The following CCNQ variants were observed in gnomAD, a reference collection of about 807,000 sequenced individuals.
The protein encoded by CCNQ is cyclin Q, also known as cyclin-Q.
A neutral mutation model predicts 17.7 loss-of-function variants in CCNQ; 3 were observed. That is an observed-to-expected ratio of 0.17 (90% CI 0.08 to 0.44). The LOEUF is 0.44. CCNQ is among the 20% of genes least tolerant of loss of function. The pLI is 0.99. For missense variants in CCNQ, 146 were observed against 222.6 expected (o/e 0.66, Z 2.19); for synonymous variants, 73 against 96.0 (o/e 0.76, Z 1.40).
At chrX:153,588,547 G>A (rs1435902208) in intron 4 of CCNQ, 93 bp from the exon 5 acceptor site, 1 of 669,379 alleles carries the variant, frequency 1.5e-6, no homozygotes, top group African/African-American at 2.1e-5. Context: ...TTCATGGGCA[G>A]GGGAGGGGCA....
At chrX:153,598,023 C>A (rs781787137) in intron 1 of CCNQ, among the ~76,000 whole-genome samples, 1 of 111,349 alleles carries the variant, frequency 9.0e-6, no homozygotes, top group African/African-American at 3.3e-5. Flanking sequence ...TCAGACTCTC[C>A]GCCCACCTTG....
At chrX:153,591,107 G>A (rs980279954) in intron 4 of CCNQ, among the ~76,000 whole-genome samples, 9 of 111,644 alleles carry the variant, frequency 8.1e-5, no homozygotes, top group African/African-American at 2.9e-4. Context: ...GGAAGAAAGG[G>A]TTTCAAAAGC....
rs369891998 is a variant in CCNQ, at chrX:153,595,990, C to G, written c.296+14G>C. 6 of 1,211,899 alleles carry G rather than the reference C, an allele frequency of 5.0e-6. No individual in the cohort carries two copies. Among genetic ancestry groups the G allele is most frequent in the Non-Finnish European group, 5.6e-6 (5 of 895,357 alleles). On this transcript the variant is annotated intron_variant, in intron 2 of 4. Coordinates refer to ENST00000576892, the MANE Select transcript of CCNQ (RefSeq NM_152274.5). Reference sequence around the variant, plus strand: ...CACCGGGTGGAGATCAGGAGCCCAGCCAAATGCCATTACCTGTTGGACACA... The same window carrying G: ...CACCGGGTGGAGATCAGGAGCCCAGGCAAATGCCATTACCTGTTGGACACA...
rs1253567855 is a variant in CCNQ at position 153,594,440 on chromosome X, CCTT to C, written c.429+104_429+106del. The C allele has an allele frequency of 4.8e-6, 5 of 1,041,110 alleles. No homozygotes were observed. In the African/African-American group the frequency reaches 7.4e-5, roughly 15 times the overall value. 85.8% of individuals were successfully genotyped at this position (1,041,110 alleles called of 1,213,427 possible). A position where few individuals can be genotyped will look rare whatever the true frequency, so the allele number is the denominator to read the frequency against. ...CAGTTCCCAGCCGCAGCCCTGCTCT[CCTT>C]CTGTGCTGTGCTCTCGAGTATGAGA... is the stretch of plus-strand genomic sequence containing the variant. On this transcript the variant is annotated intron_variant, in intron 3 of 4. Transcript: ENST00000576892.
At position 153,588,465 on chromosome X, in the gene CCNQ, G is replaced by A. The variant is rs782667260; in HGVS notation, c.658-11C>T. ...GTCGTCATTAAACACCTAGAAAGAA[G>A]AAGGAAAACAGGTTCCAGTTAGACT... On this transcript the variant is annotated splice_polypyrimidine_tract_variant and intron_variant, in intron 4 of 4. Transcript: ENST00000576892. 1 of 1,158,005 alleles carries A rather than the reference G, an allele frequency of 8.6e-7. No individual in the cohort carries two copies. Among genetic ancestry groups the A allele is most frequent in the East Asian group, 3.0e-5 (1 of 33,663 alleles).
intron 4 of CCNQ, 104 bp from the exon 5 acceptor site, chrX:153,588,558 C>G: frequency 1.6e-6 from 1 of 622,584 alleles, no homozygotes; most frequent in South Asian, 2.3e-5. Context: ...GGGAGGGGCA[C>G]AGGGACTTGG....
intron 3 of CCNQ, among the ~76,000 whole-genome samples, chrX:153,593,750 A>G (rs1347022912): frequency 8.9e-6 from 1 of 112,699 alleles, no homozygotes; most frequent in Non-Finnish European, 1.9e-5. Flanking sequence ...ACACAGGAAT[A>G]CAAGTGGAAG....
In CCNQ at chrX:153,592,590, G is replaced by A. The variant is rs200558104; in HGVS notation, c.573C>T (p.Ile191=). The part of the protein sequence containing the change: ...ALCLRFQAQH[I]AVAVLYLALQ... ...GGGCCAGGTAGAGCACCGCCACGGC[G>A]ATGTGCTGGGCCTGGAAGCGGAGGC... The change falls in exon 4 of 5, where the codon ATC becomes ATT. Residue 191 remains isoleucine, a synonymous_variant. Transcript: ENST00000576892. The A allele has an allele frequency of 3.0e-4, 363 of 1,210,804 alleles. No homozygotes were observed. The highest frequency in any genetic ancestry group is 7.2e-4 in the Admixed American group (33 of 46,012).
chrX:153,590,218 ACT>A (rs1296341402), intron 4 of CCNQ, among the ~76,000 whole-genome samples: 2 of 69,638 alleles, frequency 2.9e-5, no homozygotes, highest in Non-Finnish European at 5.0e-5. Flanking sequence ...ATAGAGTGAG[ACT>A]CTGTCTCTAT....
chrX:153,595,419 T>C (rs1285684694), intron 2 of CCNQ, among the ~76,000 whole-genome samples: 1 of 113,813 alleles, frequency 8.8e-6, no homozygotes, highest in Non-Finnish European at 1.9e-5. Context: ...CGTCCAGCCA[T>C]CCAAGGAACA....
Position 153,594,651 on chromosome X carries a change from C to G in CCNQ, c.325G>C (p.Glu109Gln), listed in dbSNP as rs1397964100. The G allele has an allele frequency of 2.5e-6, 3 of 1,210,048 alleles. No homozygotes were observed. Among genetic ancestry groups the G allele is most frequent in the Non-Finnish European group, 3.4e-6 (3 of 895,108 alleles). The change falls in exon 3 of 5, where the codon GAA (glutamate) becomes CAA (glutamine). Residue 109 changes from glutamate to glutamine, a missense_variant. Transcript: ENST00000576892. ...AGTTCCCAGAAGCGGGAGTCCAATT[C>G]CAGGGGCTCACCGCTTGGGTTAAAG... ...RYFNPSGEPL[E>Q]LDSRFWELRD...
chrX:153,598,062 T>G (rs991922258), intron 1 of CCNQ, among the ~76,000 whole-genome samples: 8 of 110,398 alleles, frequency 7.2e-5, no homozygotes, highest in African/African-American at 2.6e-4. Flanking sequence ...CCAACCCTTC[T>G]CCCCCAAGCA....
chrX:153,594,187 G>A (rs1375496181), intron 3 of CCNQ, among the ~76,000 whole-genome samples: 1 of 112,609 alleles, frequency 8.9e-6, no homozygotes, highest in Non-Finnish European at 1.9e-5. Flanking sequence ...CTGGGGACGG[G>A]GACTCTGGCC....
At chrX:153,592,761 G>A in intron 3 of CCNQ, 28 bp from the exon 4 acceptor site, 1 of 1,154,379 alleles carries the variant, frequency 8.7e-7, no homozygotes. Flanking sequence ...TCAGCCTTTA[G>A]GCCCACCAGC....
Position 153,592,395 on chromosome X carries a change from A to G in CCNQ, c.657+111T>C, listed in dbSNP as rs182960415. ...GTACTTTCGAGCTTCCATGTTCCCC[A>G]GCAGCCCGTATCTTTCTTCATGGAT... On this transcript the variant is annotated intron_variant, in intron 4 of 4. Coordinates refer to ENST00000576892, the MANE Select transcript of CCNQ (RefSeq NM_152274.5). The G allele has an allele frequency of 5.8e-3, 4,622 of 794,270 alleles. 16 individuals carry two copies. Among genetic ancestry groups the G allele is most frequent in the Middle Eastern group, 6.6e-3 (23 of 3,510 alleles). 65.5% of individuals were successfully genotyped at this position (794,270 alleles called of 1,213,427 possible). A position where few individuals can be genotyped will look rare whatever the true frequency, so the allele number is the denominator to read the frequency against.
chrX:153,589,511 C>T (rs868973206), intron 4 of CCNQ, among the ~76,000 whole-genome samples: 8 of 112,854 alleles, frequency 7.1e-5, no homozygotes, highest in South Asian at 3.6e-4. Context: ...TTCTGAGTTC[C>T]GAGCCCTCCC....
chrX:153,592,759 T>C, intron 3 of CCNQ, 26 bp from the exon 4 acceptor site: 1 of 1,158,549 alleles, frequency 8.6e-7, no homozygotes, highest in Non-Finnish European at 1.2e-6. Context: ...TGTCAGCCTT[T>C]AGGCCCACCA....
chrX:153,596,228 G>A lies in CCNQ; in HGVS notation c.113-41C>T, dbSNP rs781940640. 4.8e-5 allele frequency: 56 copies of A among 1,177,975 alleles called. No homozygotes were observed. In the South Asian group the frequency reaches 8.4e-4, roughly 18 times the overall value. On this transcript the variant is annotated intron_variant, in intron 1 of 4. Coordinates refer to ENST00000576892, the MANE Select transcript of CCNQ (RefSeq NM_152274.5). Reference sequence around the variant, plus strand: ...AGGCAAGAGAGGACTTCAATCCAGCGCTGGCTCACTGCTCCAGTGAGGGGA... The same window carrying A: ...AGGCAAGAGAGGACTTCAATCCAGCACTGGCTCACTGCTCCAGTGAGGGGA...
In CCNQ at chrX:153,590,376, G is replaced by A. The variant is rs1427597540; in HGVS notation, c.658-1922C>T. Among the ~76,000 whole-genome samples the A allele has an allele frequency of 3.6e-5, 4 of 110,549 alleles. No homozygotes were observed. In the Admixed American group the frequency reaches 3.9e-4, roughly 11 times the overall value. On this transcript the variant is annotated intron_variant, in intron 4 of 4. Coordinates refer to ENST00000576892, the MANE Select transcript of CCNQ (RefSeq NM_152274.5). ...ATCAAAAGAAAGGACATTCTGAGACGGGGGCTCCAACATTGTGCTCAGCAA... is the reference window on the plus strand; with the variant it reads ...ATCAAAAGAAAGGACATTCTGAGACAGGGGCTCCAACATTGTGCTCAGCAA...
Sources: allele counts gnomAD v4.1 joint callset (sites outside exome capture counted in the v4.1 genomes callset), GRCh38; gene constraint gnomAD v4.1.1; transcripts MANE v1.5; gene names NCBI Gene and HGNC (gene_info 2026-07-23, HGNC 2026-07-21).